SGK3: variants seen among roughly 807,000 people sequenced by gnomAD.
SGK3 encodes serine/threonine-protein kinase Sgk3.
In SGK3, 47 loss-of-function variants were observed where a neutral mutation model predicts 68.5. The ratio of observed to expected loss-of-function variants is 0.69; its 90% CI spans 0.54 to 0.87. SGK3 has a LOEUF of 0.87. Among genes scored for constraint, SGK3 ranks in the 40% least tolerant of loss-of-function variants. SGK3 has a pLI of 0.00. For synonymous variants in SGK3, 181 were observed against 189.1 expected (o/e 0.96, Z 0.35); for missense variants, 479 against 575.5 (o/e 0.83, Z 1.72).
At chr8:66,716,211 TATC>T (rs1441837712) in intron 1 of SGK3, among the ~76,000 whole-genome samples, 2 of 152,154 alleles carry the variant, frequency 1.3e-5, no homozygotes, top group Non-Finnish European at 2.9e-5. Flanking sequence ...CCCTGCCCAG[TATC>T]ATGGAGAAAA....
chr8:66,763,078 G>A (rs1806219686), intron 1 of SGK3, among the ~76,000 whole-genome samples: 1 of 152,210 alleles, frequency 6.6e-6, no homozygotes, highest in South Asian at 2.1e-4. Context: ...GCAGCATTCT[G>A]CCTTTATGCA....
At chr8:66,755,815 G>A (rs1805957715) in intron 1 of SGK3, among the ~76,000 whole-genome samples, 3 of 152,186 alleles carry the variant, frequency 2.0e-5, no homozygotes, top group Admixed American at 6.5e-5. Context: ...TAAATGATAT[G>A]TATTAACAGG....
intron 1 of SGK3, among the ~76,000 whole-genome samples, chr8:66,752,602 G>A (rs528131455): frequency 6.6e-6 from 1 of 152,034 alleles, no homozygotes; most frequent in Non-Finnish European, 1.5e-5. Flanking sequence ...CTGGGGGGGT[G>A]GGGGAGACAG....
Position 66,859,724 on chromosome 8 carries a change from C to T in SGK3, c.*143C>T, listed in dbSNP as rs988763924. The T allele has an allele frequency of 2.0e-6, 2 of 1,000,610 alleles. No homozygotes were observed. The highest frequency in any genetic ancestry group is 2.6e-6 in the Non-Finnish European group (2 of 754,740). The allele number at this position is 1,000,610 out of a possible 1,614,324, so 62.0% of individuals were successfully genotyped here. Reference sequence around the variant, plus strand: ...TGAAAACTATGAAAAAATGTATTTTCTTCTATGTGCAAGAAAAATAGGGCA... The same window carrying T: ...TGAAAACTATGAAAAAATGTATTTTTTTCTATGTGCAAGAAAAATAGGGCA... On this transcript the variant is annotated 3_prime_UTR_variant, in exon 17 of 17. Coordinates refer to ENST00000521198, the MANE Select transcript of SGK3 (RefSeq NM_001033578.3).
chr8:66,754,653 T>C (rs1805920126), intron 1 of SGK3, among the ~76,000 whole-genome samples: 1 of 152,228 alleles, frequency 6.6e-6, no homozygotes, highest in South Asian at 2.1e-4. Flanking sequence ...TTATACAATA[T>C]TTTAAGTAAT....
intron 16 of SGK3, among the ~76,000 whole-genome samples, chr8:66,859,049 T>G (rs1810648274): frequency 6.6e-6 from 1 of 152,108 alleles, no homozygotes; most frequent in South Asian, 2.1e-4. Context: ...AGGACTAAAT[T>G]GGGCCAGGCG....
intron 1 of SGK3, among the ~76,000 whole-genome samples, chr8:66,777,707 AC>A (rs1806767201): frequency 6.6e-6 from 1 of 152,118 alleles, no homozygotes; most frequent in Non-Finnish European, 1.5e-5. Flanking sequence ...TCACATCCTT[AC>A]CTGCAGAATG....
At chr8:66,839,452 A>G (rs1809675486) in intron 10 of SGK3, among the ~76,000 whole-genome samples, 1 of 130,038 alleles carries the variant, frequency 7.7e-6, no homozygotes, top group Non-Finnish European at 1.6e-5. Flanking sequence ...ACTAATTCAG[A>G]TTTTTTGAAA....
intron 4 of SGK3, among the ~76,000 whole-genome samples, chr8:66,808,482 A>G (rs1808250604): frequency 6.6e-6 from 1 of 152,144 alleles, no homozygotes; most frequent in South Asian, 2.1e-4. Context: ...TGATACAAAC[A>G]AAATCAAAGA....
intron 1 of SGK3, among the ~76,000 whole-genome samples, chr8:66,786,917 TTC>T (rs1807222762): frequency 6.7e-6 from 1 of 149,008 alleles, no homozygotes; most frequent in Non-Finnish European, 1.5e-5. Flanking sequence ...GGGTAGGATT[TTC>T]TCTGTCTTTT....
Position 66,785,920 on chromosome 8 carries a change from T to C in SGK3, c.-121-7696T>C, listed in dbSNP as rs555851797. Among the ~76,000 whole-genome samples the C allele has an allele frequency of 1.2e-4, 19 of 152,304 alleles. No homozygotes were observed. The South Asian group carries it at 3.5e-3, about 28-fold the overall frequency. On this transcript the variant is annotated intron_variant, in intron 1 of 16. Transcript: ENST00000521198. ...ATTATCTTCTGACTGTCTAGCAGAGTGAAGGCAGATCCTTTTCCTGTTCCT... is the reference window on the plus strand; with the variant it reads ...ATTATCTTCTGACTGTCTAGCAGAGCGAAGGCAGATCCTTTTCCTGTTCCT...
intron 2 of SGK3, among the ~76,000 whole-genome samples, chr8:66,797,140 C>A (rs1807730396): frequency 6.6e-6 from 1 of 152,134 alleles, no homozygotes; most frequent in Non-Finnish European, 1.5e-5. Context: ...AGACTTGCTC[C>A]TGGTCTTGGC....
At chr8:66,738,865 C>T (rs1213158100) in intron 1 of SGK3, among the ~76,000 whole-genome samples, 3 of 152,122 alleles carry the variant, frequency 2.0e-5, no homozygotes, top group East Asian at 1.9e-4. Context: ...CTTCTGGCCT[C>T]GTGATCTGCC....
intron 1 of SGK3, among the ~76,000 whole-genome samples, chr8:66,771,716 C>T (rs1585692598): frequency 6.6e-6 from 1 of 151,968 alleles, no homozygotes; most frequent in African/African-American, 2.4e-5. Context: ...TAGTATTTAG[C>T]GAAGGAGAGA....
In SGK3 at chr8:66,779,460, T is replaced by G. The variant is rs1408950371; in HGVS notation, c.-121-14156T>G. 4.6e-5 allele frequency among the ~76,000 whole-genome samples: 7 copies of G among 150,662 alleles called. No homozygotes were observed. The East Asian group carries it at 1.4e-3, about 29-fold the overall frequency. ...TGTTGTTTTTGATTTTAGGTGCTTA[T>G]AGATGTAGGTCTAAATTTATTTTAC... On this transcript the variant is annotated intron_variant, in intron 1 of 16. Coordinates refer to ENST00000521198, the MANE Select transcript of SGK3 (RefSeq NM_001033578.3).
rs577655506 is a variant in SGK3 at position 66,717,541 on chromosome 8, A to G, written c.-122+4708A>G. ...AGACTCCTTCTCAAAAAAAAAGAAA[A>G]GAAAACTGGATTTCATATGTAATAT... On this transcript the variant is annotated intron_variant, in intron 1 of 16. Coordinates refer to ENST00000521198, the MANE Select transcript of SGK3 (RefSeq NM_001033578.3). Among the ~76,000 whole-genome samples, 142 of 152,308 alleles carry G rather than the reference A, an allele frequency of 9.3e-4. 1 individual carries two copies. The highest frequency in any genetic ancestry group is 3.4e-3 in the Middle Eastern group (1 of 294).
intron 4 of SGK3, among the ~76,000 whole-genome samples, chr8:66,807,445 G>A (rs888980789): frequency 1.3e-5 from 2 of 152,122 alleles, no homozygotes; most frequent in Non-Finnish European, 2.9e-5. Context: ...ATGCTCTTTG[G>A]TACTTTGTTT....
intron 1 of SGK3, among the ~76,000 whole-genome samples, chr8:66,766,474 G>A (rs1444287157): frequency 2.0e-5 from 3 of 152,170 alleles, no homozygotes; most frequent in Middle Eastern, 3.2e-3. Context: ...GCAGTGAGCC[G>A]AGATTGCAAC....
intron 1 of SGK3, among the ~76,000 whole-genome samples, chr8:66,730,393 A>G (rs966193680): frequency 1.3e-5 from 2 of 152,004 alleles, no homozygotes; most frequent in African/African-American, 2.4e-5. Context: ...TTTTTATTCT[A>G]TGGGTTTTCC....
Sources: gnomAD v4.1 joint callset for allele counts (sites outside exome capture counted in the v4.1 genomes callset) on GRCh38, gnomAD v4.1.1 for gene constraint, MANE v1.5 for transcripts, NCBI Gene and HGNC (gene_info 2026-07-23, HGNC 2026-07-21) for gene names.